The following DNAJC6 variants were observed in gnomAD, a reference collection of about 807,000 sequenced individuals.
DNAJC6 encodes the protein DnaJ heat shock protein family (Hsp40) member C6, also known as auxilin.
A neutral mutation model predicts 110.0 loss-of-function variants in DNAJC6; 34 were observed. The ratio of observed to expected loss-of-function variants is 0.31; its 90% confidence interval spans 0.24 to 0.41. The LOEUF is 0.41. Ranked by LOEUF, DNAJC6 falls within the 10% of genes least tolerant of loss-of-function variation. The pLI is 1.00. For synonymous variants in DNAJC6, 406 were observed against 437.2 expected (o/e 0.93, Z 0.89); for missense variants, 1,031 against 1,207.8 (o/e 0.85, Z 2.17).
At chr1:65,358,944 G>A (rs1244026059) in intron 1 of DNAJC6, among the ~76,000 whole-genome samples, 1 of 152,186 alleles carries the variant, frequency 6.6e-6, no homozygotes, top group African/African-American at 2.4e-5. Flanking sequence ...CCATAGGCAT[G>A]TACTGAATAA....
chr1:65,338,353 G>A (rs1645357728), intron 1 of DNAJC6, among the ~76,000 whole-genome samples: 1 of 151,844 alleles, frequency 6.6e-6, no homozygotes, highest in South Asian at 2.1e-4. Context: ...TTTGTTTTTT[G>A]TTTTTCTTTT....
At chr1:65,374,975 A>ATT (rs57352713) in intron 4 of DNAJC6, among the ~76,000 whole-genome samples, 13,285 of 143,244 alleles carry the variant, frequency 0.093, 1,098 homozygotes, top group African/African-American at 0.22. Context: ...TTTTCTGAGG[A>ATT]TTTTTTTTTT....
chr1:65,288,097 G>A (rs1468918450), intron 1 of DNAJC6, among the ~76,000 whole-genome samples: 1 of 152,162 alleles, frequency 6.6e-6, no homozygotes, highest in South Asian at 2.1e-4. Context: ...CTAGTCTTCT[G>A]TTGGGGTTGG....
chr1:65,306,994 CTCTCTCTCTCTCTCTCTCTCTCTCTA>C (rs1395890468), upstream of DNAJC6, among the ~76,000 whole-genome samples: 22 of 112,120 alleles, frequency 2.0e-4, no homozygotes, highest in South Asian at 3.7e-4. Context: ...CTCTCTCTCT[CTCTCTCTCTCTCTCTCTCTCTCTCTA>C]TATATATATA....
At chr1:65,373,060 A>G (rs1362445373) in intron 4 of DNAJC6, among the ~76,000 whole-genome samples, 2 of 152,130 alleles carry the variant, frequency 1.3e-5, no homozygotes, top group African/African-American at 2.4e-5. Context: ...AAAACATGCA[A>G]TATTTATCTT....
chr1:65,275,645 C>G lies in DNAJC6; in HGVS notation c.-131+10713C>G, dbSNP rs568428498. Among the ~76,000 whole-genome samples the G allele has an allele frequency of 6.4e-4, 98 of 152,252 alleles. 1 individual carries two copies. The highest frequency in any genetic ancestry group is 2.1e-3 in the African/African-American group (89 of 41,556). On this transcript the variant is annotated intron_variant, in intron 1 of 19. Transcript: ENST00000263441. ...CTCATAATTCCCTGCCATTATCTCT[C>G]CAAACAGTGTTTTGTTCCTTTCTCT...
At chr1:65,288,490 T>C (rs1477371945) in intron 1 of DNAJC6, among the ~76,000 whole-genome samples, 1 of 152,188 alleles carries the variant, frequency 6.6e-6, no homozygotes, top group African/African-American at 2.4e-5. Context: ...TAAACATCGG[T>C]TTCAGAATCC....
chr1:65,269,596 TA>T (rs1653441050), intron 1 of DNAJC6, among the ~76,000 whole-genome samples: 1 of 152,228 alleles, frequency 6.6e-6, no homozygotes, highest in South Asian at 2.1e-4. Context: ...TTGATACTTT[TA>T]GAGAAAACTC....
At chr1:65,348,602 C>T (rs1645459243) in intron 1 of DNAJC6, among the ~76,000 whole-genome samples, 1 of 152,026 alleles carries the variant, frequency 6.6e-6, no homozygotes, top group South Asian at 2.1e-4. Flanking sequence ...CTTTTGCTTA[C>T]TGTATGATTA....
rs758179854 is a variant in DNAJC6, at chr1:65,386,882, T to C, written c.1066T>C (p.Ser356Pro). 1.9e-6 allele frequency: 3 copies of C among 1,614,022 alleles called. No individual in the cohort carries two copies. The highest frequency in any genetic ancestry group is 2.7e-5 in the African/African-American group (2 of 74,906). ...CACTGTGCAAGGAGACGTGGTTGTT[T>C]CCATGTATCACTTGAGGTCAACCAT... ...NITVQGDVVV[S>P]MYHLRSTIGS... The change falls in exon 8 of 19, where the codon TCC becomes CCC. Residue 356 changes from serine (S) to proline (P), a missense_variant. Physicochemically the swap from Ser to Pro is moderately conservative, Grantham distance 74. Transcript: ENST00000371069.
chr1:65,274,555 G>C (rs1484496066), intron 1 of DNAJC6, among the ~76,000 whole-genome samples: 4 of 152,196 alleles, frequency 2.6e-5, no homozygotes, highest in African/African-American at 4.8e-5. Flanking sequence ...GACCTCAGGT[G>C]ATCCACTCAC....
In DNAJC6 at chr1:65,388,345, A is replaced by G; in HGVS notation, c.1123A>G (p.Thr375Ala). Residue 375 changes from threonine to alanine, a missense_variant, in exon 9 of 19, where the codon ACA (threonine) becomes GCA (alanine). Thr to Ala is a moderately conservative substitution (Grantham distance 58). Coordinates refer to ENST00000371069, the MANE Select transcript of DNAJC6 (RefSeq NM_001256864.2). ...GSRLQAKVTN[T>A]QIFQLQFHTG... The stretch of plus-strand genomic sequence containing the variant: ...TCTCATGTATTTTTAGGTGACCAAC[A>G]CACAGATATTCCAGCTTCAGTTTCA... 2.5e-6 allele frequency: 4 copies of G among 1,614,000 alleles called. No homozygotes were observed. Among genetic ancestry groups the G allele is most frequent in the Non-Finnish European group, 3.4e-6 (4 of 1,179,936 alleles).
Position 65,389,570 on chromosome 1 carries a change from C to T in DNAJC6, c.1411C>T (p.Pro471Ser), listed in dbSNP as rs1645905326. Residue 471 changes from proline (P) to serine (S), a missense_variant, in exon 11 of 19, where the codon CCA becomes TCA. Coordinates refer to ENST00000371069, the MANE Select transcript of DNAJC6 (RefSeq NM_001256864.2). ...LGGQAPIDIP[P>S]DNPRHYGQSG... The stretch of plus-strand genomic sequence containing the variant: ...AGGACAGGCTCCAATAGATATCCCT[C>T]CAGACAACCCCAGGCATTACGGACA... 2.5e-6 allele frequency: 4 copies of T among 1,614,172 alleles called. No individual in the cohort carries two copies. The highest frequency in any genetic ancestry group is 3.4e-6 in the Non-Finnish European group (4 of 1,180,016).
intron 1 of DNAJC6, among the ~76,000 whole-genome samples, chr1:65,277,131 C>T (rs771955409): frequency 2.6e-5 from 4 of 152,114 alleles, no homozygotes; most frequent in African/African-American, 4.8e-5. Context: ...AAGTTAAACA[C>T]GTCTGTTTTT....
chr1:65,302,267 T>G (rs1354529348), intron 1 of DNAJC6, among the ~76,000 whole-genome samples: 2 of 19,854 alleles, frequency 1.0e-4, no homozygotes, highest in African/African-American at 5.5e-4. Context: ...TTATATATAT[T>G]ATATATTATA....
At chr1:65,321,883 T>C (rs1008873596) in intron 1 of DNAJC6, among the ~76,000 whole-genome samples, 10 of 152,162 alleles carry the variant, frequency 6.6e-5, no homozygotes, top group African/African-American at 2.2e-4. Flanking sequence ...AGAGACAAGC[T>C]GGAGGGATAG....
chr1:65,373,419 T>C (rs1032317215), intron 4 of DNAJC6, among the ~76,000 whole-genome samples: 1 of 152,204 alleles, frequency 6.6e-6, no homozygotes. Flanking sequence ...AGAGTTCCCT[T>C]TTCTCACATT....
intron 1 of DNAJC6, among the ~76,000 whole-genome samples, chr1:65,267,885 GGT>G (rs59260525): frequency 0.1 from 15,091 of 149,240 alleles, 1,117 homozygotes; most frequent in East Asian, 0.21. Flanking sequence ...GGTGTGAGGT[GGT>G]GTGTGTGTGT....
intron 1 of DNAJC6, among the ~76,000 whole-genome samples, chr1:65,320,800 G>A (rs1645191106): frequency 6.6e-6 from 1 of 152,132 alleles, no homozygotes; most frequent in Non-Finnish European, 1.5e-5. Context: ...GCTCAGGATG[G>A]TAGTAGGATG....
Sources: allele counts gnomAD v4.1 joint callset (sites outside exome capture counted in the v4.1 genomes callset), GRCh38; gene constraint gnomAD v4.1.1; transcripts MANE v1.5; gene names NCBI Gene and HGNC (gene_info 2026-07-23, HGNC 2026-07-21).